The following PTPRH variants were observed in gnomAD, a reference collection of about 807,000 sequenced individuals.
PTPRH encodes the protein protein tyrosine phosphatase receptor type H.
PTPRH carries 113 observed loss-of-function variants against 130.2 expected under a neutral mutation model. The observed-to-expected ratio is 0.87, with a 90% CI of 0.75 to 1.01. The LOEUF (loss-of-function observed/expected upper bound fraction) is 1.01. PTPRH is among the 50% of genes least tolerant of loss of function. The pLI is 0.00. For synonymous variants in PTPRH, 556 were observed against 577.9 expected (o/e 0.96, Z 0.54); for missense variants, 1,430 against 1,425.0 (o/e 1.00, Z -0.06).
At chr19:55,193,143 A>T (rs922211211) in intron 10 of PTPRH, among the ~76,000 whole-genome samples, 6 of 151,708 alleles carry the variant, frequency 4.0e-5, no homozygotes, top group African/African-American at 1.5e-4. Context: ...CATAAGAGTC[A>T]CTTGAACCCG....
At chr19:55,206,993 C>A in intron 2 of PTPRH, 38 bp from the exon 3 acceptor site, 1 of 1,561,714 alleles carries the variant, frequency 6.4e-7, no homozygotes, top group Non-Finnish European at 8.7e-7. Flanking sequence ...AAAAGGGAAC[C>A]AGGTCAGTAC....
Position 55,187,689 on chromosome 19 carries a change from C to G in PTPRH, c.2476-86G>C, listed in dbSNP as rs919587139. The G allele has an allele frequency of 1.1e-4, 103 of 938,054 alleles. No homozygotes were observed. In the African/African-American group the frequency reaches 1.5e-3, roughly 14 times the overall value. The allele number at this position is 938,054 out of a possible 1,614,324, so 58.1% of individuals were successfully genotyped here. On this transcript the variant is annotated intron_variant, in intron 13 of 19. Transcript: ENST00000376350. Reference sequence around the variant, plus strand: ...ACCCCCGAGCTCCCCTTGCCTTCTTCGGCATCACCCCTTGTTTATTCGTTG... The same window carrying G: ...ACCCCCGAGCTCCCCTTGCCTTCTTGGGCATCACCCCTTGTTTATTCGTTG...
rs759188457 is a variant in PTPRH, at chr19:55,187,573, G to A, written c.2506C>T (p.Gln836Ter). Residue 836 changes from glutamine to a stop codon, truncating the protein, a stop_gained, in exon 14 of 20, where the codon CAG becomes TAG. Coordinates refer to ENST00000376350, the MANE Select transcript of PTPRH (RefSeq NM_002842.5). LOFTEE classifies it high-confidence loss of function. ...TTCTCTGAAGCCGAAGCCACCATCT[G>A]AGACTGGCTGTGGCCCACCAGGGAG... ...QLSLVGHSQS[Q>*]MVASASENNA... The A allele has an allele frequency of 6.2e-7, 1 of 1,613,438 alleles. No homozygotes were observed. Among genetic ancestry groups the A allele is most frequent in the Admixed American group, 1.7e-5 (1 of 59,972 alleles).
intron 10 of PTPRH, among the ~76,000 whole-genome samples, chr19:55,192,262 C>T (rs1466603162): frequency 6.6e-6 from 1 of 151,662 alleles, no homozygotes; most frequent in Admixed American, 6.6e-5. Flanking sequence ...ATTAGCAGGG[C>T]GTGGTGGTGG....
chr19:55,201,434 G>A (rs963952531), intron 6 of PTPRH, among the ~76,000 whole-genome samples: 7 of 152,238 alleles, frequency 4.6e-5, no homozygotes, highest in Non-Finnish European at 7.3e-5. Context: ...GATGAAGACA[G>A]TCTCTCACTT....
chr19:55,190,775 G>A (rs12463268), intron 12 of PTPRH, among the ~76,000 whole-genome samples: 12,034 of 150,192 alleles, frequency 0.08, 1,034 homozygotes, highest in East Asian at 0.24. Context: ...GATTACAGGC[G>A]TGAGCCACCA....
chr19:55,187,669 C>T lies in PTPRH; in HGVS notation c.2476-66G>A, dbSNP rs189733694. ...CTCTACTTTCCCTCGGGGGTACCCCCGAGCTCCCCTTGCCTTCTTCGGCAT... is the reference window on the plus strand; with the variant it reads ...CTCTACTTTCCCTCGGGGGTACCCCTGAGCTCCCCTTGCCTTCTTCGGCAT... On this transcript the variant is annotated intron_variant, in intron 13 of 19. Transcript: ENST00000376350. 5.8e-5 allele frequency: 71 copies of T among 1,218,992 alleles called. No individual in the cohort carries two copies. The Admixed American group carries it at 8.4e-4, about 14-fold the overall frequency. The allele number at this position is 1,218,992 out of a possible 1,614,324, so 75.5% of individuals were successfully genotyped here.
At chr19:55,191,778 G>T (rs1300738774) in intron 10 of PTPRH, 37 bp from the exon 11 acceptor site, 1 of 1,550,174 alleles carries the variant, frequency 6.5e-7, no homozygotes, top group Non-Finnish European at 8.9e-7. Flanking sequence ...TCAGAGCGCA[G>T]GTCTGAGCTG....
intron 2 of PTPRH, 66 bp from the exon 3 acceptor site, chr19:55,207,021 G>T: frequency 6.4e-7 from 1 of 1,550,584 alleles, no homozygotes; most frequent in South Asian, 1.2e-5. Flanking sequence ...CCCAACCCCT[G>T]AGCTCACGCC....
intron 3 of PTPRH, among the ~76,000 whole-genome samples, 153 bp from the exon 4 acceptor site, chr19:55,205,745 G>A (rs1183241370): frequency 6.6e-6 from 1 of 152,222 alleles, no homozygotes; most frequent in Non-Finnish European, 1.5e-5. Context: ...TGAGTGTTGA[G>A]CACCGTGAGG....
rs779101793 is a variant in PTPRH at position 55,206,892 on chromosome 19, C to T, written c.149G>A (p.Trp50Ter). The change falls in exon 3 of 20, where the codon TGG becomes TAG. Residue 50 changes from tryptophan (W) to a stop codon, truncating the protein, a stop_gained. Transcript: ENST00000376350. LOFTEE classifies it high-confidence loss of function. ...TQTTSSISLS[W>*]EVPDGLDSQN... Reference sequence around the variant, plus strand: ...TGAGTCTAGGCCATCGGGGACCTCCCAGCTCAGGGAGATGGAGCTGGTGGT... The same window carrying T: ...TGAGTCTAGGCCATCGGGGACCTCCTAGCTCAGGGAGATGGAGCTGGTGGT... 13 of 1,613,380 alleles carry T rather than the reference C, an allele frequency of 8.1e-6. No individual in the cohort carries two copies. In the South Asian group the frequency reaches 1.4e-4, roughly 18 times the overall value.
rs746928100 is a variant in PTPRH at position 55,198,783 on chromosome 19, A to C, written c.1550T>G (p.Met517Arg). The change falls in exon 8 of 20, where the codon ATG (methionine) becomes AGG (arginine). Residue 517 changes from methionine (M) to arginine (R), a missense_variant. Coordinates refer to ENST00000376350, the MANE Select transcript of PTPRH (RefSeq NM_002842.5). ...SYWVSWVREG[M>R]TDPRTQSTSG... is the part of the protein sequence containing the mutation. Reference sequence around the variant, plus strand: ...GGTGCTTTGGGTCCTGGGGTCAGTCATGCCTTCCCTGACCCATGAGACCCA... The same window carrying C: ...GGTGCTTTGGGTCCTGGGGTCAGTCCTGCCTTCCCTGACCCATGAGACCCA... 1 of 1,613,808 alleles carries C rather than the reference A, an allele frequency of 6.2e-7. No homozygotes were observed.
rs774316600 is a variant in PTPRH, at chr19:55,206,844, T to C, written c.197A>G (p.Gln66Arg). 20 of 1,614,066 alleles carry C rather than the reference T, an allele frequency of 1.2e-5. No individual in the cohort carries two copies. Among genetic ancestry groups the C allele is most frequent in the Non-Finnish European group, 1.7e-5 (20 of 1,180,020 alleles). ...TGTTGTGCCGCCGTCTCCAGTACAC[T>C]GAACCCAGTAGTTGGAGTTCTGTGA... Reference protein sequence around the residue: ...LDSQNSNYWVQCTGDGGTTET... With the variant: ...LDSQNSNYWVRCTGDGGTTET... Residue 66 changes from glutamine (Q) to arginine (R), a missense_variant, in exon 3 of 20, where the codon CAG (glutamine) becomes CGG (arginine). Transcript: ENST00000376350.
rs558088945 is a variant in PTPRH, at chr19:55,206,948, G to C, written c.93C>G (p.Asn31Lys). 2 of 1,592,830 alleles carry C rather than the reference G, an allele frequency of 1.3e-6. No homozygotes were observed. Among genetic ancestry groups the C allele is most frequent in the Non-Finnish European group, 1.7e-6 (2 of 1,166,948 alleles). ...TCTCCACTGTCAGGTTCCTCCCTGG[G>C]TTGGGGGCTGAGAATTGGGAAGGAA... The part of the protein sequence containing the change: ...SWTGARAPAP[N>K]PGRNLTVETQ... Residue 31 changes from asparagine (N) to lysine (K), a missense_variant, in exon 3 of 20, where the codon AAC becomes AAG. By Grantham distance (94) the Asn-to-Lys change is moderately conservative. Transcript: ENST00000376350.
At chr19:55,206,298 CTTTTCT>C (rs1056701693) in intron 3 of PTPRH, among the ~76,000 whole-genome samples, 1 of 148,498 alleles carries the variant, frequency 6.7e-6, no homozygotes, top group African/African-American at 2.5e-5. Flanking sequence ...GTTTGTTTTT[CTTTTCT>C]TTTGTTTTCT....
At chr19:55,197,519 T>A (rs990371225) in intron 8 of PTPRH, 103 bp from the exon 9 acceptor site, 15 of 1,089,452 alleles carry the variant, frequency 1.4e-5, no homozygotes, top group Non-Finnish European at 2.0e-5. Flanking sequence ...CCATTATTGA[T>A]GGCTCCAGTG....
intron 18 of PTPRH, among the ~76,000 whole-genome samples, chr19:55,184,353 G>A (rs569021823): frequency 6.6e-6 from 1 of 152,210 alleles, no homozygotes; most frequent in South Asian, 2.1e-4. Context: ...CTTTTGCCAT[G>A]AGACTGTCAT....
At chr19:55,185,796 G>T in intron 17 of PTPRH, 66 bp downstream of exon 17, 5 of 1,611,368 alleles carry the variant, frequency 3.1e-6, no homozygotes, top group Non-Finnish European at 3.4e-6. Context: ...TTGGTGGAGG[G>T]TCCTGGATGC....
chr19:55,186,428 T>C (rs1016193700), intron 15 of PTPRH, 36 bp downstream of exon 15: 2 of 1,613,780 alleles, frequency 1.2e-6, no homozygotes, highest in Non-Finnish European at 1.7e-6. Context: ...TCTCCAGGCG[T>C]GCTGGGCACC....
Sources: allele counts gnomAD v4.1 joint callset (sites outside exome capture counted in the v4.1 genomes callset), GRCh38; gene constraint gnomAD v4.1.1; transcripts MANE v1.5; gene names NCBI Gene and HGNC (gene_info 2026-07-23, HGNC 2026-07-21).